Variants in TENT4B observed in about 807,000 individuals in gnomAD.
The protein encoded by TENT4B is terminal nucleotidyltransferase 4B.
TENT4B carries 10 observed loss-of-function variants against 75.0 expected under a neutral mutation model. The observed-to-expected ratio is 0.13, with a 90% CI of 0.08 to 0.23. TENT4B has a LOEUF of 0.23. Ranked by LOEUF, TENT4B falls within the 10% of genes least tolerant of loss-of-function variation. The pLI is 1.00. For synonymous variants in TENT4B, 350 were observed against 357.7 expected, an observed-to-expected ratio of 0.98 and a Z score of 0.24; for missense variants, 579 against 893.8, an observed-to-expected ratio of 0.65 and a Z score of 4.49.
intron 1 of TENT4B, among the ~76,000 whole-genome samples, chr16:50,163,422 T>G (rs542948011): frequency 5.3e-5 from 8 of 149,990 alleles, no homozygotes; most frequent in African/African-American, 2.0e-4. Context: ...AATTTCTTTT[T>G]TTTTTTTTTT....
rs749349265 is a variant in TENT4B, at chr16:50,224,803, C to T, written c.1508+20C>T. 6.2e-7 allele frequency: 1 copy of T among 1,613,456 alleles called. No homozygotes were observed. Among genetic ancestry groups the T allele is most frequent in the Admixed American group, 1.7e-5 (1 of 59,994 alleles). On this transcript the variant is annotated intron_variant, in intron 8 of 11. Coordinates refer to ENST00000561678, the MANE Select transcript of TENT4B (RefSeq NM_001365324.3). ...AGAAAGGTAAAAGTTCATCTATAAC[C>T]AGCCCATTGTGTCAAAATTAGTTGT...
In TENT4B at chr16:50,234,706, A is replaced by C; in HGVS notation, c.*5378A>C. On this transcript the variant is annotated 3_prime_UTR_variant, in exon 12 of 12. Transcript: ENST00000561678. ...AAGCTTGTTTGTTAGACGTGTCAAG[A>C]GTCTCCAGTCTTTACTACTAAAAAG... 1.0e-6 allele frequency: 1 copy of C among 985,436 alleles called. No individual in the cohort carries two copies. Among genetic ancestry groups the C allele is most frequent in the Non-Finnish European group, 1.2e-6 (1 of 829,932 alleles). The allele number at this position is 985,436 out of a possible 1,614,324, so 61.0% of individuals were successfully genotyped here.
Position 50,178,610 on chromosome 16 carries a change from A to C in TENT4B, c.638+24351A>C, listed in dbSNP as rs567209271. Among the ~76,000 whole-genome samples the C allele has an allele frequency of 1.9e-3, 286 of 152,342 alleles. 2 individuals carry two copies. The highest frequency in any genetic ancestry group is 6.0e-3 in the African/African-American group (248 of 41,576). On this transcript the variant is annotated intron_variant, in intron 1 of 11. Coordinates refer to ENST00000561678, the MANE Select transcript of TENT4B (RefSeq NM_001365324.3). The stretch of plus-strand genomic sequence containing the variant: ...TGGTGTATGAATACAATGGGCTACT[A>C]TTATTCAGCCTTTAAAAATAAGAAA...
intron 1 of TENT4B, among the ~76,000 whole-genome samples, chr16:50,203,675 G>A (rs2030787354): frequency 6.6e-6 from 1 of 152,142 alleles, no homozygotes; most frequent in Non-Finnish European, 1.5e-5. Context: ...CACACTGTGT[G>A]AGCATCCATT....
At chr16:50,156,572 G>A (rs1391245385) in intron 1 of TENT4B, among the ~76,000 whole-genome samples, 1 of 152,046 alleles carries the variant, frequency 6.6e-6, no homozygotes, top group Admixed American at 6.6e-5. Flanking sequence ...TCGAACTCCT[G>A]ACCTCAGGTG....
In TENT4B at chr16:50,229,425, G is replaced by T; in HGVS notation, c.*97G>T. ...GGGAGATATTCAGGAGCCTCACACT[G>T]TTCAGACGTTGACTTAGCAACTGCG... On this transcript the variant is annotated 3_prime_UTR_variant, in exon 12 of 12. Coordinates refer to ENST00000561678, the MANE Select transcript of TENT4B (RefSeq NM_001365324.3). 7.1e-7 allele frequency: 1 copy of T among 1,402,722 alleles called. No homozygotes were observed. 86.9% of individuals were successfully genotyped at this position (1,402,722 alleles called of 1,614,324 possible).
intron 1 of TENT4B, among the ~76,000 whole-genome samples, chr16:50,205,311 A>G (rs2030887342): frequency 6.6e-6 from 1 of 152,068 alleles, no homozygotes; most frequent in African/African-American, 2.4e-5. Context: ...CTATAATCTC[A>G]TCAAGCAGAC....
At chr16:50,183,837 G>A (rs1044319026) in intron 1 of TENT4B, among the ~76,000 whole-genome samples, 1 of 152,140 alleles carries the variant, frequency 6.6e-6, no homozygotes, top group African/African-American at 2.4e-5. Flanking sequence ...CTGAGGTCAG[G>A]AGTTTGAGAC....
chr16:50,199,464 G>A (rs775140941), intron 1 of TENT4B, among the ~76,000 whole-genome samples: 3 of 152,226 alleles, frequency 2.0e-5, no homozygotes, highest in Non-Finnish European at 4.4e-5. Context: ...GAAAAGGATG[G>A]AACATTCAAT....
chr16:50,223,317 TGAA>T lies in TENT4B; in HGVS notation c.1313_1315del (p.Glu438del). 6.2e-7 allele frequency: 1 copy of T among 1,613,910 alleles called. No homozygotes were observed. The highest frequency in any genetic ancestry group is 8.5e-7 in the Non-Finnish European group (1 of 1,179,856). On this transcript the variant is annotated inframe_deletion, in exon 7 of 12. Transcript: ENST00000561678. ...ATGGTGGTTCATATGTGGCCAAAGA[TGAA>T]GTACAGAAAAATATGCTAGATGGCT...
At chr16:50,186,340 T>C (rs1002280961) in intron 1 of TENT4B, among the ~76,000 whole-genome samples, 1 of 152,190 alleles carries the variant, frequency 6.6e-6, no homozygotes, top group African/African-American at 2.4e-5. Context: ...TTGTGATGCT[T>C]TGTTTTAATT....
intron 11 of TENT4B, among the ~76,000 whole-genome samples, chr16:50,228,317 G>C (rs1187963667): frequency 1.3e-5 from 2 of 152,150 alleles, no homozygotes; most frequent in Admixed American, 1.3e-4. Context: ...GTTTTGTGAG[G>C]CCTCATGGCA....
intron 1 of TENT4B, among the ~76,000 whole-genome samples, chr16:50,176,377 G>A (rs1003138591): frequency 2.0e-5 from 3 of 149,068 alleles, no homozygotes; most frequent in East Asian, 3.9e-4. Context: ...GAACCACTAC[G>A]CCCAGCCTAC....
At chr16:50,171,591 G>A (rs2038207729) in intron 1 of TENT4B, among the ~76,000 whole-genome samples, 1 of 149,732 alleles carries the variant, frequency 6.7e-6, no homozygotes, top group Admixed American at 6.7e-5. Flanking sequence ...GGCATATACG[G>A]TTGATATTTG....
chr16:50,164,772 G>T, intron 1 of TENT4B, among the ~76,000 whole-genome samples: 1 of 151,980 alleles, frequency 6.6e-6, no homozygotes. Flanking sequence ...GGGCATGGTG[G>T]CTCACCTGGG....
Position 50,235,089 on chromosome 16 carries a change from G to T in TENT4B, c.*5761G>T, listed in dbSNP as rs2032407126. On this transcript the variant is annotated 3_prime_UTR_variant, in exon 12 of 12. Transcript: ENST00000561678. The stretch of plus-strand genomic sequence containing the variant: ...GATTTAAGAAATCTCAACATTTCCT[G>T]AGGCCGTATCACTGGGCAACCAGTG... The T allele has an allele frequency of 1.0e-6, 1 of 968,132 alleles. No individual in the cohort carries two copies. Among genetic ancestry groups the T allele is most frequent in the Non-Finnish European group, 1.2e-6 (1 of 813,988 alleles). 60.0% of individuals were successfully genotyped at this position (968,132 alleles called of 1,614,324 possible). A position where few individuals can be genotyped will look rare whatever the true frequency, so the allele number is the denominator to read the frequency against.
chr16:50,153,651 A>G lies in TENT4B; in HGVS notation c.30A>G (p.Pro10=). ...ATCCGAGGATCGCCTGGTTTCAGCC[A>G]GAGCAGCTCGGACCGTCCAACAGTC... is the stretch of plus-strand genomic sequence containing the variant. MDPRIAWFQ[P]EQLGPSNSLW... is the part of the protein sequence containing the mutation. The change falls in exon 1 of 12, where the codon CCA becomes CCG. Residue 10 remains proline (P), a synonymous_variant. Coordinates refer to ENST00000561678, the MANE Select transcript of TENT4B (RefSeq NM_001365324.3). The G allele has an allele frequency of 9.9e-7, 1 of 1,006,112 alleles. No individual in the cohort carries two copies. The highest frequency in any genetic ancestry group is 1.2e-6 in the Non-Finnish European group (1 of 844,854). 62.3% of individuals were successfully genotyped at this position (1,006,112 alleles called of 1,614,324 possible). A position where few individuals can be genotyped will look rare whatever the true frequency, so the allele number is the denominator to read the frequency against.
intron 1 of TENT4B, among the ~76,000 whole-genome samples, chr16:50,204,036 T>C (rs2030809886): frequency 6.6e-6 from 1 of 152,144 alleles, no homozygotes; most frequent in Admixed American, 6.5e-5. Flanking sequence ...CGTGCCCTGG[T>C]CCAGTTCTGT....
In TENT4B at chr16:50,232,587, T is replaced by A. The variant is rs1223653354; in HGVS notation, c.*3259T>A. 1 of 985,246 alleles carries A rather than the reference T, an allele frequency of 1.0e-6. No homozygotes were observed. The highest frequency in any genetic ancestry group is 1.2e-6 in the Non-Finnish European group (1 of 829,934). 61.0% of individuals were successfully genotyped at this position (985,246 alleles called of 1,614,324 possible). A position where few individuals can be genotyped will look rare whatever the true frequency, so the allele number is the denominator to read the frequency against. On this transcript the variant is annotated 3_prime_UTR_variant, in exon 12 of 12. Coordinates refer to ENST00000561678, the MANE Select transcript of TENT4B (RefSeq NM_001365324.3). ...TTGCCTGAACCTGTGGACTAGTGTT[T>A]GGGGTTTCTGGAAACACTAGAGGGT...
Sources: allele counts gnomAD v4.1 joint callset (sites outside exome capture counted in the v4.1 genomes callset), GRCh38; gene constraint gnomAD v4.1.1; transcripts MANE v1.5; gene names NCBI Gene and HGNC (gene_info 2026-07-23, HGNC 2026-07-21).